Variants in BEAN1 observed in about 807,000 individuals in gnomAD.
BEAN1 encodes brain expressed associated with NEDD4 1, also known as protein BEAN1.
In BEAN1, 17 loss-of-function variants were observed where a neutral mutation model predicts 17.7. The ratio of observed to expected loss-of-function variants is 0.96; its 90% CI spans 0.66 to 1.44. The LOEUF is 1.44. BEAN1 is among the 40% of genes most tolerant of loss of function. The pLI is 0.00. For missense variants in BEAN1, 359 were observed against 374.1 expected (o/e 0.96, Z 0.33); for synonymous variants, 142 against 151.8 (o/e 0.94, Z 0.47).
chr16:66,459,301 G>A (rs1353260082), intron 2 of BEAN1, among the ~76,000 whole-genome samples: 1 of 152,078 alleles, frequency 6.6e-6, no homozygotes, highest in Non-Finnish European at 1.5e-5. Context: ...TGGGGAAAAG[G>A]ACAATCTCTT....
chr16:66,484,165 C>G (rs1298842549), downstream of BEAN1: 1 of 207,296 alleles, frequency 4.8e-6, no homozygotes, highest in African/African-American at 2.3e-5. This position sits in a 1 kb window ranked among gnomAD's most constrained non-coding sequence, Gnocchi z 4.2. Flanking sequence ...ATGTCCCCCT[C>G]TCTGTAAGCA....
chr16:66,444,199 C>T (rs960308184), intron 2 of BEAN1, among the ~76,000 whole-genome samples: 5 of 152,202 alleles, frequency 3.3e-5, no homozygotes, highest in African/African-American at 7.2e-5. Context: ...CCTGTGTCCA[C>T]CATGCCCCAA....
At chr16:66,448,539 C>T (rs370030177) in intron 2 of BEAN1, among the ~76,000 whole-genome samples, 10 of 152,274 alleles carry the variant, frequency 6.6e-5, no homozygotes, top group East Asian at 3.9e-4. Context: ...TCAAAAAACA[C>T]GGCTGGGTGC....
rs909179407 is a variant in BEAN1 at position 66,446,195 on chromosome 16, TA to T, written c.25+8504del. Among the ~76,000 whole-genome samples the T allele has an allele frequency of 8.5e-4, 124 of 145,808 alleles. 1 individual carries two copies. Among genetic ancestry groups the T allele is most frequent in the Non-Finnish European group, 1.2e-3 (80 of 65,970 alleles). Reference sequence around the variant, plus strand: ...GAGACTCTTAGAGTGAGACTCTGTCTAAAAAAAAAAGGGGGGACAGTGGTCT... The same window carrying T: ...GAGACTCTTAGAGTGAGACTCTGTCTAAAAAAAAAGGGGGGACAGTGGTCT... On this transcript the variant is annotated intron_variant, in intron 2 of 4. Coordinates refer to ENST00000536005, the MANE Select transcript of BEAN1 (RefSeq NM_001178020.3).
intron 2 of BEAN1, among the ~76,000 whole-genome samples, chr16:66,458,443 G>T (rs1486016929): frequency 6.6e-6 from 1 of 151,996 alleles, no homozygotes; most frequent in Non-Finnish European, 1.5e-5. Flanking sequence ...CTCCCACCCT[G>T]GAGGGAGTTG....
At chr16:66,446,479 C>T (rs935347850) in intron 2 of BEAN1, among the ~76,000 whole-genome samples, 5 of 152,064 alleles carry the variant, frequency 3.3e-5, no homozygotes, top group African/African-American at 4.8e-5. Context: ...TTGTCTGAGA[C>T]GCTTTGCAGG....
At chr16:66,433,360 C>G (rs534258823) in intron 1 of BEAN1, among the ~76,000 whole-genome samples, 8 of 152,318 alleles carry the variant, frequency 5.3e-5, no homozygotes, top group Non-Finnish European at 1.2e-4. Flanking sequence ...AATCCGCCCT[C>G]TTTGGCCTCT....
At chr16:66,493,945 ACT>A (rs1332902783), downstream of BEAN1, among the ~76,000 whole-genome samples, 6 of 152,140 alleles carry the variant, frequency 3.9e-5, no homozygotes, top group Non-Finnish European at 8.8e-5. Flanking sequence ...GCCAGAGCCA[ACT>A]GGTGATGACG....
In BEAN1 at chr16:66,433,772, T is replaced by C. The variant is rs1596972227; in HGVS notation, c.-82-3823T>C. ...GTAAACAGGTGGCCATCCTGTGGCCTCTTTCACAAGGCCAGCCCACCCCCA... is the reference window on the plus strand; with the variant it reads ...GTAAACAGGTGGCCATCCTGTGGCCCCTTTCACAAGGCCAGCCCACCCCCA... On this transcript the variant is annotated intron_variant, in intron 1 of 4. Coordinates refer to ENST00000536005, the MANE Select transcript of BEAN1 (RefSeq NM_001178020.3). 2.0e-5 allele frequency among the ~76,000 whole-genome samples: 3 copies of C among 152,336 alleles called. No homozygotes were observed. The South Asian group carries it at 6.2e-4, about 32-fold the overall frequency.
rs1031157332 is a variant in BEAN1, at chr16:66,477,627, C to T, written c.357C>T (p.Asp119=). ...RMRYACSSSE[D]WPPPLDISSD... ...GCTATGCCTGCAGCTCCTCAGAGGACTGGCCCCCACCCTTGGACATCAGCT... is the reference window on the plus strand; with the variant it reads ...GCTATGCCTGCAGCTCCTCAGAGGATTGGCCCCCACCCTTGGACATCAGCT... The change falls in exon 4 of 5, where the codon GAC becomes GAT. Residue 119 remains aspartate (D), a synonymous_variant. Coordinates refer to ENST00000536005, the MANE Select transcript of BEAN1 (RefSeq NM_001178020.3). 1.9e-6 allele frequency: 3 copies of T among 1,551,336 alleles called. No individual in the cohort carries two copies.
chr16:66,467,195 TGAGAATCAG>T (rs1963286057), intron 2 of BEAN1, among the ~76,000 whole-genome samples: 1 of 152,150 alleles, frequency 6.6e-6, no homozygotes, highest in Non-Finnish European at 1.5e-5. Context: ...GTAAATAAAG[TGAGAATCAG>T]GAGGTTTTCA....
chr16:66,457,728 CTA>C (rs1156698432), intron 2 of BEAN1, among the ~76,000 whole-genome samples: 1 of 151,938 alleles, frequency 6.6e-6, no homozygotes, highest in East Asian at 1.9e-4. Context: ...CAACATCCCT[CTA>C]TCAGTCTCCT....
In BEAN1 at chr16:66,449,397, C is replaced by T. The variant is rs550401327; in HGVS notation, c.25+11696C>T. On this transcript the variant is annotated intron_variant, in intron 2 of 4. Transcript: ENST00000536005. ...CCAATGCGGGCAGATCACCTGAGATCGGGAGTTCGAGATCAGCCTGGCTAA... is the reference window on the plus strand; with the variant it reads ...CCAATGCGGGCAGATCACCTGAGATTGGGAGTTCGAGATCAGCCTGGCTAA... Among the ~76,000 whole-genome samples, 167 of 152,174 alleles carry T rather than the reference C, an allele frequency of 1.1e-3. 1 individual carries two copies. The highest frequency in any genetic ancestry group is 2.2e-4 in the Non-Finnish European group (15 of 68,014).
At chr16:66,474,606 GAGGGAGGGAGGA>G (rs1963642564) in intron 3 of BEAN1, among the ~76,000 whole-genome samples, 2 of 11,688 alleles carry the variant, frequency 1.7e-4, no homozygotes, top group Non-Finnish European at 3.7e-4. Flanking sequence ...GGGAGGGAGA[GAGGGAGGGAGGA>G]AGGGAGGGAG....
intron 2 of BEAN1, among the ~76,000 whole-genome samples, chr16:66,453,887 C>T (rs1962771821): frequency 1.3e-5 from 2 of 152,106 alleles, no homozygotes; most frequent in Admixed American, 1.3e-4. Flanking sequence ...GCACATGCCA[C>T]CACACCTGGC....
intron 2 of BEAN1, among the ~76,000 whole-genome samples, chr16:66,468,109 G>A (rs528843665): frequency 7.9e-5 from 12 of 152,256 alleles, no homozygotes; most frequent in Admixed American, 5.9e-4. Context: ...GGCCACCCAC[G>A]CTCTCCTTGA....
At position 66,471,254 on chromosome 16, in the gene BEAN1, T is replaced by C. The variant is rs1470468596; in HGVS notation, c.289+1389T>C. On this transcript the variant is annotated intron_variant, in intron 3 of 4. Coordinates refer to ENST00000536005, the MANE Select transcript of BEAN1 (RefSeq NM_001178020.3). The surrounding 1 kb of genome is among the most constrained non-coding windows in gnomAD (Gnocchi z 4.7). ...GGGACTGATGGGTAGCTGGAGCTGG[T>C]GAACAGGAGCCTGGGTAGTAATGGC... 6.6e-6 allele frequency among the ~76,000 whole-genome samples: 1 copy of C among 152,126 alleles called. No homozygotes were observed. Among genetic ancestry groups the C allele is most frequent in the Admixed American group, 6.5e-5 (1 of 15,268 alleles).
chr16:66,477,192 C>T (rs974176357), intron 3 of BEAN1, among the ~76,000 whole-genome samples: 2 of 152,192 alleles, frequency 1.3e-5, no homozygotes, highest in South Asian at 2.1e-4. Context: ...GCCCCTCCTC[C>T]AGGAAGCCCT....
At chr16:66,454,729 C>CTTTTTTTTTTTTTTTTT (rs538469751) in intron 2 of BEAN1, among the ~76,000 whole-genome samples, 6 of 83,674 alleles carry the variant, frequency 7.2e-5, no homozygotes, top group East Asian at 3.4e-4. Flanking sequence ...TTCTTTCTTT[C>CTTTTTTTTTTTTTTTTT]TTTTTTTTTT....
Sources: allele counts gnomAD v4.1 joint callset (sites outside exome capture counted in the v4.1 genomes callset), GRCh38; gene constraint gnomAD v4.1.1; non-coding constraint Gnocchi (gnomAD v3.1); transcripts MANE v1.5; gene names NCBI Gene and HGNC (gene_info 2026-07-23, HGNC 2026-07-21).